RFC1: variants seen among roughly 807,000 people sequenced by gnomAD.
RFC1 encodes A1 140 kDa subunit.
Under a neutral mutation model 137.4 loss-of-function variants are expected in RFC1, and 37 were observed. That is an observed-to-expected ratio of 0.27 (90% CI 0.21 to 0.35). The LOEUF (loss-of-function observed/expected upper bound fraction) is 0.35. Among genes scored for constraint, RFC1 ranks in the 10% least tolerant of loss-of-function variants. The pLI, the probability that RFC1 is intolerant of heterozygous loss-of-function variation, is 1.00. For missense variants in RFC1, 1,205 were observed against 1,358.5 expected, an observed-to-expected ratio of 0.89 and a Z score of 1.78; for synonymous variants, 429 against 455.7, an observed-to-expected ratio of 0.94 and a Z score of 0.75.
At chr4:39,306,326 A>G (rs1738652739) in intron 14 of RFC1, among the ~76,000 whole-genome samples, 1 of 152,224 alleles carries the variant, frequency 6.6e-6, no homozygotes, top group Non-Finnish European at 1.5e-5. Flanking sequence ...GTTATCTATA[A>G]TACACCCACG....
intron 21 of RFC1, among the ~76,000 whole-genome samples, chr4:39,296,726 T>C (rs2109590874): frequency 6.6e-6 from 1 of 151,384 alleles, no homozygotes; most frequent in South Asian, 2.1e-4. Flanking sequence ...TGTGCATGTG[T>C]CTTTATAGCA....
chr4:39,294,721 G>A (rs985609262), intron 22 of RFC1, among the ~76,000 whole-genome samples: 1 of 151,712 alleles, frequency 6.6e-6, no homozygotes, highest in Non-Finnish European at 1.5e-5. Context: ...TGAATCCATA[G>A]GCCAGGCATG....
At chr4:39,348,424 A>AAAAAGAAAAG (rs201554512) in intron 2 of RFC1, among the ~76,000 whole-genome samples, 1,248 of 71,780 alleles carry the variant, frequency 0.017, 146 homozygotes, top group African/African-American at 0.047. Context: ...CTCTGTTTCA[A>AAAAAGAAAAG]AAAAGAAAAG....
intron 19 of RFC1, among the ~76,000 whole-genome samples, chr4:39,300,865 G>A (rs1738320528): frequency 6.6e-6 from 1 of 152,084 alleles, no homozygotes; most frequent in Admixed American, 6.6e-5. Flanking sequence ...AGGCTGAGGT[G>A]GGCGGATCAC....
intron 1 of RFC1, 77 bp downstream of exon 1, chr4:39,366,162 C>A: frequency 6.7e-7 from 1 of 1,494,610 alleles, no homozygotes; most frequent in Non-Finnish European, 9.0e-7. Flanking sequence ...ACCCTGCATA[C>A]CAGGAGTGCC....
intron 24 of RFC1, 104 bp from the exon 25 acceptor site, chr4:39,288,948 A>AAAAG: frequency 1.3e-6 from 1 of 787,182 alleles, no homozygotes; most frequent in Non-Finnish European, 2.1e-6. Flanking sequence ...ACTTAATTAA[A>AAAAG]AAAGAAGAGA....
intron 10 of RFC1, among the ~76,000 whole-genome samples, chr4:39,315,484 G>A (rs1739193310): frequency 6.6e-6 from 1 of 152,158 alleles, no homozygotes; most frequent in South Asian, 2.1e-4. Context: ...TGCCAAGAAT[G>A]CCCAAGTTTG....
intron 12 of RFC1, among the ~76,000 whole-genome samples, chr4:39,310,595 G>A (rs1447422607): frequency 2.0e-5 from 3 of 152,170 alleles, no homozygotes; most frequent in Non-Finnish European, 2.9e-5. Context: ...AGTAGAAACA[G>A]AGAGACAGAA....
intron 4 of RFC1, among the ~76,000 whole-genome samples, chr4:39,337,104 G>A (rs1740391673): frequency 6.6e-6 from 1 of 152,202 alleles, no homozygotes; most frequent in Non-Finnish European, 1.5e-5. Context: ...GCCAGGTGCA[G>A]TGGCTCACGC....
Position 39,326,678 on chromosome 4 carries a change from C to A in RFC1, c.565-38G>T, listed in dbSNP as rs367741586. ...GAAAATCAAGCAAAATCAGCATAAA[C>A]CTTAAGTTAAAAATAAGGCACTTTT... On this transcript the variant is annotated intron_variant, in intron 5 of 24. Transcript: ENST00000349703. The A allele has an allele frequency of 2.1e-5, 32 of 1,553,844 alleles. No individual in the cohort carries two copies. The Middle Eastern group carries it at 5.1e-4, about 25-fold the overall frequency.
chr4:39,311,366 T>A, intron 12 of RFC1, 79 bp downstream of exon 12: 2 of 1,165,288 alleles, frequency 1.7e-6, no homozygotes, highest in Admixed American at 3.8e-5. Flanking sequence ...CCAACAAGCC[T>A]GTATCCACCC....
chr4:39,331,295 A>T (rs1408853921), intron 4 of RFC1, among the ~76,000 whole-genome samples: 1 of 152,158 alleles, frequency 6.6e-6, no homozygotes, highest in Non-Finnish European at 1.5e-5. Flanking sequence ...AACAAACTTA[A>T]ATTGTCTCTG....
chr4:39,297,806 A>C (rs903904038), intron 21 of RFC1: 8 of 152,228 alleles, frequency 5.3e-5, no homozygotes, highest in Non-Finnish European at 1.2e-4. Flanking sequence ...CATATTAGAT[A>C]ATCTTTGCAA....
chr4:39,290,288 T>A (rs944421712), intron 23 of RFC1, among the ~76,000 whole-genome samples: 2 of 151,634 alleles, frequency 1.3e-5, no homozygotes, highest in African/African-American at 4.9e-5. Context: ...TCCATGAGAA[T>A]CTTGAACCCA....
chr4:39,305,832 T>G (rs1334683706), intron 14 of RFC1, among the ~76,000 whole-genome samples: 1 of 152,164 alleles, frequency 6.6e-6, no homozygotes, highest in Non-Finnish European at 1.5e-5. Flanking sequence ...TGTTCACAAC[T>G]GTAGGGACTA....
chr4:39,304,334 T>C (rs1239385595), intron 15 of RFC1, among the ~76,000 whole-genome samples: 1 of 152,214 alleles, frequency 6.6e-6, no homozygotes, highest in African/African-American at 2.4e-5. Context: ...CACCTCCAAA[T>C]AGTTTTCTTT....
Position 39,320,572 on chromosome 4 carries a change from T to C in RFC1, c.906A>G (p.Ser302=). 1.9e-6 allele frequency: 3 copies of C among 1,612,208 alleles called. No individual in the cohort carries two copies. The highest frequency in any genetic ancestry group is 1.7e-6 in the Non-Finnish European group (2 of 1,178,530). The change falls in exon 9 of 25, where the codon TCA becomes TCG. Residue 302 remains serine (S), a synonymous_variant. Transcript: ENST00000349703. ...AGACTTCTCCTATTTTGTCAGCTGATGACTTGGAATGTTGCTGAGATTCTT... is the reference window on the plus strand; with the variant it reads ...AGACTTCTCCTATTTTGTCAGCTGACGACTTGGAATGTTGCTGAGATTCTT... The part of the protein sequence containing the change: ...SSKESQQHSK[S]SADKIGEVSS...
Position 39,306,576 on chromosome 4 carries a change from G to A in RFC1, c.1995+16C>T, listed in dbSNP as rs371859284. 285 of 1,455,242 alleles carry A rather than the reference G, an allele frequency of 2.0e-4. 1 individual carries two copies. The highest frequency in any genetic ancestry group is 2.6e-4 in the Non-Finnish European group (271 of 1,035,230). The allele number at this position is 1,455,242 out of a possible 1,614,324, so 90.1% of individuals were successfully genotyped here. ...TCGAGGTTATCTGTCCGACCACACT[G>A]TGACAACGCACCCACCTGACACACC... On this transcript the variant is annotated intron_variant, in intron 14 of 24. Coordinates refer to ENST00000349703, the MANE Select transcript of RFC1 (RefSeq NM_002913.5).
chr4:39,304,108 C>T (rs1279656562), intron 15 of RFC1, among the ~76,000 whole-genome samples: 2 of 152,160 alleles, frequency 1.3e-5, no homozygotes, highest in African/African-American at 4.8e-5. Context: ...AGTGACATTT[C>T]CTGAGCAAAT....
Sources: allele counts gnomAD v4.1 joint callset (sites outside exome capture counted in the v4.1 genomes callset), GRCh38; gene constraint gnomAD v4.1.1; transcripts MANE v1.5; gene names NCBI Gene and HGNC (gene_info 2026-07-23, HGNC 2026-07-21).